The following DGKB variants were observed in gnomAD, a reference collection of about 807,000 sequenced individuals.
DGKB encodes 90 kDa diacylglycerol kinase.
DGKB carries 67 observed loss-of-function variants against 114.3 expected under a neutral mutation model. That is an observed-to-expected ratio of 0.59 (90% confidence interval 0.48 to 0.72). DGKB has a LOEUF of 0.72. Ranked by LOEUF, DGKB falls within the 30% of genes least tolerant of loss-of-function variation. The pLI, the probability that DGKB is intolerant of heterozygous loss-of-function variation, is 0.00. For synonymous variants in DGKB, 398 were observed against 323.1 expected, an observed-to-expected ratio of 1.23 and a Z score of -2.49; for missense variants, 907 against 975.2, an observed-to-expected ratio of 0.93 and a Z score of 0.93.
At chr7:14,867,626 TCTA>T (rs1468365792) in intron 1 of DGKB, among the ~76,000 whole-genome samples, 1 of 152,128 alleles carries the variant, frequency 6.6e-6, no homozygotes, top group Non-Finnish European at 1.5e-5. Flanking sequence ...ATTATAAACC[TCTA>T]AATATGTATA....
intron 23 of DGKB, among the ~76,000 whole-genome samples, chr7:14,255,208 A>G (rs1402904076): frequency 6.6e-6 from 1 of 152,208 alleles, no homozygotes; most frequent in Non-Finnish European, 1.5e-5. Flanking sequence ...ACTCCTCTTG[A>G]AAGAAGATGT....
chr7:14,266,972 C>T (rs557731953), intron 23 of DGKB, among the ~76,000 whole-genome samples: 67 of 148,798 alleles, frequency 4.5e-4, no homozygotes, highest in African/African-American at 1.7e-3. Context: ...TATTTTAAAG[C>T]CAATTTGTTT....
intron 23 of DGKB, among the ~76,000 whole-genome samples, chr7:14,305,735 T>C (rs1255648377): frequency 2.6e-5 from 4 of 152,174 alleles, no homozygotes; most frequent in Non-Finnish European, 5.9e-5. Context: ...CCAATGATCT[T>C]ATCATTGTAA....
At chr7:14,885,712 T>C (rs976960427) in intron 1 of DGKB, among the ~76,000 whole-genome samples, 3 of 151,948 alleles carry the variant, frequency 2.0e-5, no homozygotes, top group African/African-American at 7.2e-5. Context: ...GATAATTCCA[T>C]GGATTTAGGC....
chr7:14,808,601 T>C (rs141996404), intron 2 of DGKB, among the ~76,000 whole-genome samples: 8 of 152,150 alleles, frequency 5.3e-5, no homozygotes, highest in African/African-American at 1.7e-4. Flanking sequence ...TTGATGGAAA[T>C]AATAATTGGG....
chr7:14,441,199 G>A (rs1262407435), intron 21 of DGKB, among the ~76,000 whole-genome samples: 2 of 151,750 alleles, frequency 1.3e-5, no homozygotes, highest in South Asian at 2.1e-4. Context: ...TAGTAGAGGC[G>A]GGGTTTCACC....
intron 21 of DGKB, among the ~76,000 whole-genome samples, chr7:14,432,527 G>T (rs1270653247): frequency 6.6e-6 from 1 of 152,092 alleles, no homozygotes; most frequent in Non-Finnish European, 1.5e-5. Flanking sequence ...TACTTCCTCA[G>T]ATTTAGTTCT....
At chr7:14,885,541 T>C (rs908704080) in intron 1 of DGKB, among the ~76,000 whole-genome samples, 1 of 151,800 alleles carries the variant, frequency 6.6e-6, no homozygotes, top group African/African-American at 2.4e-5. Flanking sequence ...GCAAGGAGTG[T>C]ACAGTGGCAC....
chr7:14,887,425 A>C (rs1780475430), intron 1 of DGKB, among the ~76,000 whole-genome samples: 1 of 151,864 alleles, frequency 6.6e-6, no homozygotes, highest in South Asian at 2.1e-4. Context: ...TTGCAAAAAA[A>C]TTGGTTTACT....
intron 14 of DGKB, among the ~76,000 whole-genome samples, chr7:14,628,461 T>C (rs529184728): frequency 1.3e-5 from 2 of 152,192 alleles, no homozygotes; most frequent in African/African-American, 2.4e-5. Context: ...TTTAAAAGAA[T>C]TGAAACTATT....
Position 14,265,315 on chromosome 7 carries a change from A to ATTTTT in DGKB, c.2122+73199_2122+73200insAAAAA, listed in dbSNP as rs1178230744. The stretch of plus-strand genomic sequence containing the variant: ...TTTGGACTGCTGTCTTTTCTCTTGC[A>ATTTTT]TTCTTTTTTTTTTTTTTTTTTTTGC... On this transcript the variant is annotated intron_variant, in intron 23 of 25. Transcript: ENST00000402815. Among the ~76,000 whole-genome samples the ATTTTT allele has an allele frequency of 2.6e-3, 104 of 40,484 alleles. 1 individual carries two copies. Among genetic ancestry groups the ATTTTT allele is most frequent in the Middle Eastern group, 0.037 (2 of 54 alleles). The allele number at this position is 40,484 out of a possible 152,430, so 26.6% of individuals were successfully genotyped here.
chr7:14,372,415 G>A (rs1315943790), intron 21 of DGKB, among the ~76,000 whole-genome samples: 1 of 152,084 alleles, frequency 6.6e-6, no homozygotes, highest in Admixed American at 6.6e-5. Context: ...GTAGTGGGGG[G>A]AACTATATTT....
At chr7:14,713,368 T>C (rs1827673951) in intron 6 of DGKB, among the ~76,000 whole-genome samples, 1 of 152,096 alleles carries the variant, frequency 6.6e-6, no homozygotes, top group South Asian at 2.1e-4. Flanking sequence ...ATTTCTTTAA[T>C]TCACTTTTTT....
At chr7:14,856,222 AAG>A (rs1382777189) in intron 1 of DGKB, among the ~76,000 whole-genome samples, 2 of 152,162 alleles carry the variant, frequency 1.3e-5, no homozygotes, top group Non-Finnish European at 2.9e-5. Context: ...GCTTATTTCT[AAG>A]AGTCGTAAAA....
intron 1 of DGKB, among the ~76,000 whole-genome samples, chr7:14,864,362 T>G (rs1851418899): frequency 6.6e-6 from 1 of 152,114 alleles, no homozygotes; most frequent in Non-Finnish European, 1.5e-5. Context: ...TAGAGCTAAC[T>G]TAGTGGATCA....
intron 22 of DGKB, among the ~76,000 whole-genome samples, chr7:14,344,196 A>T (rs988390323): frequency 6.6e-6 from 1 of 151,350 alleles, no homozygotes; most frequent in Non-Finnish European, 1.5e-5. Flanking sequence ...TCACCTCTGT[A>T]ATTATGTTCC....
At chr7:14,451,422 T>C (rs1831461178) in intron 21 of DGKB, among the ~76,000 whole-genome samples, 1 of 152,062 alleles carries the variant, frequency 6.6e-6, no homozygotes, top group African/African-American at 2.4e-5. Context: ...CTCAGGCTAT[T>C]GGACTCAGAC....
At chr7:14,265,420 T>C (rs1797367011) in intron 23 of DGKB, among the ~76,000 whole-genome samples, 1 of 145,164 alleles carries the variant, frequency 6.9e-6, no homozygotes. Context: ...CTGTGCTAAT[T>C]GCTCCAGCTA....
intron 1 of DGKB, among the ~76,000 whole-genome samples, chr7:14,882,916 A>G (rs1426986017): frequency 1.3e-5 from 2 of 151,948 alleles, no homozygotes; most frequent in East Asian, 3.9e-4. Context: ...GCTATTTTAA[A>G]TAGTGCTGCA....
Sources: allele counts gnomAD v4.1 joint callset (sites outside exome capture counted in the v4.1 genomes callset), GRCh38; gene constraint gnomAD v4.1.1; transcripts MANE v1.5; gene names NCBI Gene and HGNC (gene_info 2026-07-23, HGNC 2026-07-21).